The following RESF1 variants were observed in gnomAD, a reference collection of about 807,000 sequenced individuals.
RESF1 encodes the protein gonad expressed transcript.
Under a neutral mutation model 134.7 loss-of-function variants are expected in RESF1, and 65 were observed. The observed-to-expected ratio is 0.48, with a 90% confidence interval of 0.40 to 0.59. The LOEUF (loss-of-function observed/expected upper bound fraction) is 0.59, where lower values mean the gene tolerates loss of function less well. Ranked by LOEUF, RESF1 falls within the 20% of genes least tolerant of loss-of-function variation. The probability of loss-of-function intolerance (pLI) is 0.00; values close to 1 mark genes in which losing one functional copy is unlikely to be tolerated. For synonymous variants in RESF1, 762 were observed against 702.2 expected, an observed-to-expected ratio of 1.09 and a Z score of -1.35; for missense variants, 2,274 against 2,002.7, an observed-to-expected ratio of 1.14 and a Z score of -2.59.
rs34643110 is a variant in RESF1 at position 31,991,197 on chromosome 12, C to CAAAAA, written c.5087-1172_5087-1168dup. ...GGGCAACAGAGCCAAGACCCTGTCT[C>CAAAAA]AAAAAAAAAAAAACCCACAGGAGAA... On this transcript the variant is annotated intron_variant, in intron 5 of 5. Coordinates refer to ENST00000312561, the MANE Select transcript of RESF1 (RefSeq NM_018169.4). Among the ~76,000 whole-genome samples, 1,194 of 139,362 alleles carry CAAAAA rather than the reference C, an allele frequency of 8.6e-3. 15 individuals carry two copies. Among genetic ancestry groups the CAAAAA allele is most frequent in the South Asian group, 0.026 (112 of 4,392 alleles). The allele number at this position is 139,362 out of a possible 152,430, so 91.4% of individuals were successfully genotyped here.
rs781477642 is a variant in RESF1 at position 31,980,906 on chromosome 12, A to G, written c.-50A>G. On this transcript the variant is annotated 5_prime_UTR_variant, in exon 4 of 6. Coordinates refer to ENST00000312561, the MANE Select transcript of RESF1 (RefSeq NM_018169.4). ...CCTGACATTCAGACAACTGACTTGTAACTGACTTATAACTGACTTGTAATA... is the reference window on the plus strand; with the variant it reads ...CCTGACATTCAGACAACTGACTTGTGACTGACTTATAACTGACTTGTAATA... The G allele has an allele frequency of 4.5e-6, 6 of 1,342,290 alleles. No individual in the cohort carries two copies. In the African/African-American group the frequency reaches 8.8e-5, roughly 20 times the overall value. 83.1% of individuals were successfully genotyped at this position (1,342,290 alleles called of 1,614,324 possible).
chr12:31,970,993 T>C (rs1343887447), intron 3 of RESF1, among the ~76,000 whole-genome samples: 1 of 152,206 alleles, frequency 6.6e-6, no homozygotes, highest in Non-Finnish European at 1.5e-5. Flanking sequence ...TATCAGATTA[T>C]TTCTACCTCA....
rs772215104 is a variant in RESF1 at position 31,981,444 on chromosome 12, TATGCAA to T, written c.495_500del (p.Gln167_Met168del). The T allele has an allele frequency of 4.3e-6, 7 of 1,613,974 alleles. No individual in the cohort carries two copies. In the African/African-American group the frequency reaches 9.3e-5, roughly 22 times the overall value. ...AACTGATAACATCAGATACCTATTC[TATGCAA>T]ATGCAGATGATCCCTTCTAATTCTA... On this transcript the variant is annotated inframe_deletion, in exon 4 of 6. Transcript: ENST00000312561.
intron 1 of RESF1, among the ~76,000 whole-genome samples, chr12:31,960,482 TC>T (rs2120738476): frequency 6.6e-6 from 1 of 152,342 alleles, no homozygotes; most frequent in South Asian, 2.1e-4. Context: ...CGGATTTTTT[TC>T]TGTTTAATAT....
rs770556369 is a variant in RESF1 at position 31,981,975 on chromosome 12, G to C, written c.1020G>C (p.Leu340Phe). 5.6e-6 allele frequency: 9 copies of C among 1,614,058 alleles called. No individual in the cohort carries two copies. In the African/African-American group the frequency reaches 1.2e-4, roughly 22 times the overall value. ...GCACAATTGGAAATTTCACTAACTT[G>C]AAAGTAAATACCAACAGCAAACAGC... ...NVSTIGNFTNLKVNTNSKQPF... is the reference protein window; with the variant it reads ...NVSTIGNFTNFKVNTNSKQPF... The change falls in exon 4 of 6, where the codon TTG becomes TTC. Residue 340 changes from leucine (L) to phenylalanine (F), a missense_variant. Physicochemically the swap from Leu to Phe is conservative, Grantham distance 22 (BLOSUM62 0). Coordinates refer to ENST00000312561, the MANE Select transcript of RESF1 (RefSeq NM_018169.4).
chr12:31,971,713 G>A (rs1939511724), intron 3 of RESF1, among the ~76,000 whole-genome samples: 1 of 152,144 alleles, frequency 6.6e-6, no homozygotes, highest in Non-Finnish European at 1.5e-5. Context: ...GTTGACTTAT[G>A]GCTGACATCC....
intron 2 of RESF1, chr12:31,962,553 T>TC (rs1160520302): frequency 6.6e-6 from 1 of 152,222 alleles, no homozygotes; most frequent in Non-Finnish European, 1.5e-5. Flanking sequence ...AGGTAAATAA[T>TC]CTCAAGTGAG....
At chr12:31,989,002 G>T (rs979202019) in intron 5 of RESF1, among the ~76,000 whole-genome samples, 2 of 151,662 alleles carry the variant, frequency 1.3e-5, no homozygotes, top group South Asian at 4.2e-4. Flanking sequence ...CCGAATATAT[G>T]ATTTAATTAG....
rs1354994077 is a variant in RESF1 at position 31,983,498 on chromosome 12, C to T, written c.2543C>T (p.Ser848Leu). 5 of 1,613,942 alleles carry T rather than the reference C, an allele frequency of 3.1e-6. No individual in the cohort carries two copies. Among genetic ancestry groups the T allele is most frequent in the African/African-American group, 2.7e-5 (2 of 74,924 alleles). ...CAGAATGAGTCAACTAATGGTAATTCAGAAGTCACACCTAATGTCAATCAA... is the reference window on the plus strand; with the variant it reads ...CAGAATGAGTCAACTAATGGTAATTTAGAAGTCACACCTAATGTCAATCAA... ...EKQNESTNGNSEVTPNVNQGK... is the reference protein window; with the variant it reads ...EKQNESTNGNLEVTPNVNQGK... Residue 848 changes from serine to leucine, a missense_variant, in exon 4 of 6, where the codon TCA (serine) becomes TTA (leucine). Ser to Leu is a moderately radical substitution (Grantham distance 145). Transcript: ENST00000312561.
At chr12:31,969,127 A>AT (rs1019272186) in intron 2 of RESF1, among the ~76,000 whole-genome samples, 4 of 151,874 alleles carry the variant, frequency 2.6e-5, no homozygotes, top group Non-Finnish European at 5.9e-5. Context: ...TTTTATTTTT[A>AT]TTTTTTTGTA....
At chr12:31,966,362 T>G (rs1262987959) in intron 2 of RESF1, among the ~76,000 whole-genome samples, 1 of 152,218 alleles carries the variant, frequency 6.6e-6, no homozygotes, top group African/African-American at 2.4e-5. Context: ...GGTAACTGGC[T>G]TCCGCTTCAT....
chr12:31,992,715 T>G lies in RESF1; in HGVS notation c.*180T>G. The G allele has an allele frequency of 1.6e-6, 1 of 627,134 alleles. No homozygotes were observed. The highest frequency in any genetic ancestry group is 2.8e-6 in the Non-Finnish European group (1 of 354,502). 38.8% of individuals were successfully genotyped at this position (627,134 alleles called of 1,614,324 possible). A position where few individuals can be genotyped will look rare whatever the true frequency, so the allele number is the denominator to read the frequency against. On this transcript the variant is annotated 3_prime_UTR_variant, in exon 6 of 6. Transcript: ENST00000312561. ...GGCTTGAGAACTTTGGGTAGCCATGTGTAAGAAATGGATGGTATTCACCGG... is the reference window on the plus strand; with the variant it reads ...GGCTTGAGAACTTTGGGTAGCCATGGGTAAGAAATGGATGGTATTCACCGG...
chr12:31,961,661 A>G (rs1939272966), intron 2 of RESF1, among the ~76,000 whole-genome samples: 1 of 152,162 alleles, frequency 6.6e-6, no homozygotes, highest in Non-Finnish European at 1.5e-5. Context: ...TAAACCCATC[A>G]CTGTAGATCC....
At position 31,960,801 on chromosome 12, in the gene RESF1, G is replaced by C. The variant is rs1217656243; in HGVS notation, c.-317G>C. ...GGACCAAAGAAGTAAACACTGTGTG[G>C]AGAGGGACTGACGTGTTTGGAGGGA... On this transcript the variant is annotated 5_prime_UTR_variant, in exon 2 of 6. Coordinates refer to ENST00000312561, the MANE Select transcript of RESF1 (RefSeq NM_018169.4). The C allele has an allele frequency of 6.6e-6, 1 of 152,210 alleles. No homozygotes were observed. The highest frequency in any genetic ancestry group is 2.4e-5 in the African/African-American group (1 of 41,452). 9.4% of individuals were successfully genotyped at this position (152,210 alleles called of 1,614,324 possible). A position where few individuals can be genotyped will look rare whatever the true frequency, so the allele number is the denominator to read the frequency against.
rs765425731 is a variant in RESF1 at position 31,981,275 on chromosome 12, A to G, written c.320A>G (p.Asn107Ser). Residue 107 changes from asparagine (N) to serine (S), a missense_variant, in exon 4 of 6, where the codon AAT becomes AGT. Asn to Ser is a conservative substitution (Grantham distance 46, BLOSUM62 1). Transcript: ENST00000312561. Reference protein sequence around the residue: ...NVNGPKQLTHNLQMSSGVTQN... With the variant: ...NVNGPKQLTHSLQMSSGVTQN... The stretch of plus-strand genomic sequence containing the variant: ...AATGGACCCAAACAACTAACTCACA[A>G]TTTGCAGATGTCTTCAGGAGTTACC... The G allele has an allele frequency of 1.9e-6, 3 of 1,614,160 alleles. No homozygotes were observed. Among genetic ancestry groups the G allele is most frequent in the Admixed American group, 3.3e-5 (2 of 60,022 alleles).
rs1291028037 is a variant in RESF1 at position 31,959,832 on chromosome 12, G to C, written c.-342+341G>C. On this transcript the variant is annotated intron_variant, in intron 1 of 5. Transcript: ENST00000312561. ...TTTCCCTCATTGCCTGGCTCTGCGC[G>C]GTAGAGGTCGCGAGTGGCGAAGGCT... The C allele has an allele frequency of 3.3e-5, 5 of 152,306 alleles. No individual in the cohort carries two copies. The East Asian group carries it at 9.6e-4, about 29-fold the overall frequency. 9.4% of individuals were successfully genotyped at this position (152,306 alleles called of 1,614,324 possible).
At chr12:31,965,305 T>C (rs1939374135) in intron 2 of RESF1, among the ~76,000 whole-genome samples, 1 of 152,144 alleles carries the variant, frequency 6.6e-6, no homozygotes, top group African/African-American at 2.4e-5. Context: ...AGTTGCTGAG[T>C]GGCAGTCAGA....
Position 31,985,146 on chromosome 12 carries a change from G to A in RESF1, c.4191G>A (p.Gln1397=). 8.4e-6 allele frequency: 13 copies of A among 1,551,846 alleles called. No individual in the cohort carries two copies. The highest frequency in any genetic ancestry group is 1.1e-5 in the Non-Finnish European group (13 of 1,157,566). The change falls in exon 4 of 6, where the codon CAG becomes CAA. Residue 1397 remains glutamine (Q), a synonymous_variant. Transcript: ENST00000312561. The part of the protein sequence containing the change: ...VKKKKHDKQE[Q]KGSVGATFKL... ...AAAAGAAACATGATAAACAAGAACA[G>A]AAAGGAAGTGTGGGAGCTACATTCA...
intron 5 of RESF1, among the ~76,000 whole-genome samples, chr12:31,988,939 C>T (rs1353796648): frequency 6.6e-6 from 1 of 151,838 alleles, no homozygotes; most frequent in Non-Finnish European, 1.5e-5. Flanking sequence ...GGTGATCCAC[C>T]TGCCTCGGCC....
Sources: gnomAD v4.1 joint callset for allele counts (sites outside exome capture counted in the v4.1 genomes callset) on GRCh38, gnomAD v4.1.1 for gene constraint, MANE v1.5 for transcripts, NCBI Gene and HGNC (gene_info 2026-07-23, HGNC 2026-07-21) for gene names.